The following ADCY2 variants were observed in gnomAD, a reference collection of about 807,000 sequenced individuals.
ADCY2 encodes adenylate cyclase type 2.
ADCY2 carries 31 observed loss-of-function variants against 125.2 expected under a neutral mutation model. The observed-to-expected ratio is 0.25, with a 90% CI of 0.19 to 0.33. The LOEUF (loss-of-function observed/expected upper bound fraction) is 0.33, where lower values mean the gene tolerates loss of function less well. ADCY2 is among the 10% of genes least tolerant of loss of function. ADCY2 has a pLI of 1.00. For synonymous variants in ADCY2, 512 were observed against 548.4 expected (o/e 0.93, Z 0.93); for missense variants, 904 against 1,418.2 (o/e 0.64, Z 5.82).
chr5:7,426,665 G>A (rs1402277876), intron 2 of ADCY2, among the ~76,000 whole-genome samples: 1 of 152,194 alleles, frequency 6.6e-6, no homozygotes, highest in Non-Finnish European at 1.5e-5. Context: ...TTGTGAGTTT[G>A]TAATCATTTC....
chr5:7,780,785 C>CT (rs1743897456), intron 18 of ADCY2, among the ~76,000 whole-genome samples: 1 of 149,724 alleles, frequency 6.7e-6, no homozygotes, highest in Admixed American at 6.7e-5. Context: ...TGAAAATGTC[C>CT]TTTTTTACTC....
At chr5:7,735,472 A>G (rs1261871787) in intron 14 of ADCY2, among the ~76,000 whole-genome samples, 1 of 152,160 alleles carries the variant, frequency 6.6e-6, no homozygotes, top group Non-Finnish European at 1.5e-5. Flanking sequence ...TCTCATGGTG[A>G]CCTTTTATCA....
intron 24 of ADCY2, among the ~76,000 whole-genome samples, chr5:7,823,398 C>T (rs2126543492): frequency 6.6e-6 from 1 of 152,354 alleles, no homozygotes; most frequent in East Asian, 1.9e-4. Flanking sequence ...CTCCCTGGGG[C>T]TGGAGCTGTG....
At chr5:7,680,621 T>G (rs2126714019) in intron 4 of ADCY2, among the ~76,000 whole-genome samples, 1 of 152,334 alleles carries the variant, frequency 6.6e-6, no homozygotes, top group South Asian at 2.1e-4. Context: ...TCTTAAGAAC[T>G]TACTCAGATT....
At chr5:7,510,349 A>C (rs1744007964) in intron 2 of ADCY2, among the ~76,000 whole-genome samples, 1 of 152,192 alleles carries the variant, frequency 6.6e-6, no homozygotes, top group South Asian at 2.1e-4. Context: ...TCTGGTTGGA[A>C]TATTGGAAAC....
Position 7,438,076 on chromosome 5 carries a change from T to C in ADCY2, c.408+23306T>C, listed in dbSNP as rs188351825. On this transcript the variant is annotated intron_variant, in intron 2 of 24. Coordinates refer to ENST00000338316, the MANE Select transcript of ADCY2 (RefSeq NM_020546.3). ...TGATTACAATCTATTTATTTCCCTT[T>C]TGTGTGGTAGCCTGGCTGGCTAGAG... Among the ~76,000 whole-genome samples the C allele has an allele frequency of 1.6e-3, 238 of 152,274 alleles. 1 individual carries two copies. Among genetic ancestry groups the C allele is most frequent in the African/African-American group, 5.5e-3 (230 of 41,548 alleles).
chr5:7,644,904 T>A (rs1738843597), intron 4 of ADCY2, among the ~76,000 whole-genome samples: 1 of 152,158 alleles, frequency 6.6e-6, no homozygotes. Flanking sequence ...GCACAGTTAG[T>A]CTCAGAACAA....
intron 17 of ADCY2, among the ~76,000 whole-genome samples, chr5:7,767,611 G>T (rs925720142): frequency 6.6e-6 from 1 of 152,102 alleles, no homozygotes; most frequent in African/African-American, 2.4e-5. Context: ...CGTTAGCTTT[G>T]GCAATAGAGT....
chr5:7,738,473 G>A (rs2126422011), intron 14 of ADCY2, among the ~76,000 whole-genome samples: 1 of 152,146 alleles, frequency 6.6e-6, no homozygotes, highest in African/African-American at 2.4e-5. Context: ...TGGTACGTTT[G>A]AAGTAGTAGC....
intron 1 of ADCY2, among the ~76,000 whole-genome samples, chr5:7,407,964 G>T (rs1395783271): frequency 6.6e-6 from 1 of 151,542 alleles, no homozygotes; most frequent in Non-Finnish European, 1.5e-5. Flanking sequence ...CGCCTCCTGG[G>T]TTCAAGTGAT....
chr5:7,607,886 G>A (rs1737434742), intron 3 of ADCY2, among the ~76,000 whole-genome samples: 1 of 152,144 alleles, frequency 6.6e-6, no homozygotes, highest in Admixed American at 6.5e-5. Flanking sequence ...ATTAAATTTG[G>A]TGAATGATGT....
At chr5:7,602,539 G>A (rs1737251146) in intron 3 of ADCY2, among the ~76,000 whole-genome samples, 1 of 152,062 alleles carries the variant, frequency 6.6e-6, no homozygotes, top group Admixed American at 6.6e-5. Context: ...TCCTCTAGTT[G>A]GTTCCACACA....
intron 3 of ADCY2, among the ~76,000 whole-genome samples, chr5:7,542,792 T>A (rs1275774149): frequency 6.6e-6 from 1 of 152,160 alleles, no homozygotes; most frequent in Admixed American, 6.5e-5. Flanking sequence ...GCACAATACC[T>A]CCACAGCAAC....
At chr5:7,670,388 T>A (rs1739893635) in intron 4 of ADCY2, among the ~76,000 whole-genome samples, 1 of 152,242 alleles carries the variant, frequency 6.6e-6, no homozygotes, top group Non-Finnish European at 1.5e-5. Flanking sequence ...GAGTAGGTAT[T>A]GTGTGTAAAA....
intron 15 of ADCY2, among the ~76,000 whole-genome samples, chr5:7,751,791 A>G (rs1742832777): frequency 6.6e-6 from 1 of 151,684 alleles, no homozygotes; most frequent in African/African-American, 2.4e-5. Flanking sequence ...TTAAAAGCTC[A>G]CCCCCTAAGT....
chr5:7,704,607 C>G (rs940990062), intron 7 of ADCY2, among the ~76,000 whole-genome samples: 1 of 152,030 alleles, frequency 6.6e-6, no homozygotes, highest in East Asian at 1.9e-4. Flanking sequence ...TGGCCGGGCG[C>G]GGTGGGTCAC....
At chr5:7,699,067 A>G (rs1414844009) in intron 7 of ADCY2, among the ~76,000 whole-genome samples, 1 of 123,690 alleles carries the variant, frequency 8.1e-6, no homozygotes, top group Non-Finnish European at 1.8e-5. Context: ...CTGAGTCAGG[A>G]AACAACAGTA....
At chr5:7,437,382 G>C (rs558845633) in intron 2 of ADCY2, among the ~76,000 whole-genome samples, 1 of 152,208 alleles carries the variant, frequency 6.6e-6, no homozygotes, top group Non-Finnish European at 1.5e-5. Context: ...CAGACCACAC[G>C]TGTTAACCCA....
At chr5:7,463,638 AG>A (rs1168608716) in intron 2 of ADCY2, among the ~76,000 whole-genome samples, 6 of 149,334 alleles carry the variant, frequency 4.0e-5, no homozygotes, top group South Asian at 2.1e-4. Context: ...AAAAAAAAAA[AG>A]AATGAGATCG....
Sources: gnomAD v4.1 joint callset for allele counts (sites outside exome capture counted in the v4.1 genomes callset) on GRCh38, gnomAD v4.1.1 for gene constraint, MANE v1.5 for transcripts, NCBI Gene and HGNC (gene_info 2026-07-23, HGNC 2026-07-21) for gene names.